The following XNDC1N variants were observed in gnomAD, a reference collection of about 807,000 sequenced individuals.
XNDC1N encodes protein XNDC1N.
chr11:71,917,870 T>A, the XNDC1N span: 1 of 640,994 alleles, frequency 1.6e-6, no homozygotes, highest in Non-Finnish European at 2.8e-6. Flanking sequence ...ACTTTACAGC[T>A]AGCTGAAAGC....
chr11:71,890,720 C>T, the XNDC1N span, among the ~76,000 whole-genome samples: 1 of 152,024 alleles, frequency 6.6e-6, no homozygotes, highest in Non-Finnish European at 1.5e-5. Context: ...ATCATCGTCT[C>T]CCCTCATGAT....
At chr11:71,872,932 T>C in the XNDC1N span, among the ~76,000 whole-genome samples, 2 of 152,202 alleles carry the variant, frequency 1.3e-5, no homozygotes, top group Non-Finnish European at 2.9e-5. Context: ...GATTCTATCA[T>C]GATATCAAAG....
At chr11:71,891,289 AC>A in the XNDC1N span, among the ~76,000 whole-genome samples, 680 of 150,412 alleles carry the variant, frequency 4.5e-3, 4 homozygotes, top group African/African-American at 0.016. Context: ...GGCTGTGGAA[AC>A]CCCCTGCGGT....
chr11:71,896,142 G>A, the XNDC1N span, among the ~76,000 whole-genome samples: 11 of 152,184 alleles, frequency 7.2e-5, no homozygotes, highest in Non-Finnish European at 1.3e-4. Flanking sequence ...AGTCGGGCGT[G>A]GTGACCTGTG....
At chr11:71,927,667 G>C in the XNDC1N span, 6 of 152,180 alleles carry the variant, frequency 3.9e-5, 1 homozygote, top group Admixed American at 2.6e-4. Context: ...GAGAGGATGA[G>C]AGGGTAATAG....
At chr11:71,867,994 G>C in the XNDC1N span, among the ~76,000 whole-genome samples, 1 of 152,190 alleles carries the variant, frequency 6.6e-6, no homozygotes, top group African/African-American at 2.4e-5. Flanking sequence ...ATATATTTAA[G>C]ATAGCTAAGT....
the XNDC1N span, chr11:71,893,554 TC>T: frequency 8.7e-6 from 8 of 914,990 alleles, no homozygotes; most frequent in Non-Finnish European, 1.5e-5. Context: ...CGCTTTGCTG[TC>T]CCTGTCCCTG....
chr11:71,892,385 C>A, the XNDC1N span, among the ~76,000 whole-genome samples: 1 of 151,886 alleles, frequency 6.6e-6, no homozygotes, highest in Non-Finnish European at 1.5e-5. Context: ...TCTGTAATAC[C>A]TTATGAATAA....
chr11:71,907,360 C>T, the XNDC1N span, among the ~76,000 whole-genome samples: 1 of 151,742 alleles, frequency 6.6e-6, no homozygotes, highest in East Asian at 2.0e-4. Context: ...GCGCCCCCCG[C>T]GATGCGGGGA....
chr11:71,901,356 T>C, the XNDC1N span, among the ~76,000 whole-genome samples: 1 of 152,098 alleles, frequency 6.6e-6, no homozygotes, highest in Admixed American at 6.5e-5. Flanking sequence ...CCCAGCCCTT[T>C]GGGAGGCTGA....
At chr11:71,904,493 A>G in the XNDC1N span, among the ~76,000 whole-genome samples, 1 of 152,152 alleles carries the variant, frequency 6.6e-6, no homozygotes, top group Non-Finnish European at 1.5e-5. Flanking sequence ...GGTATACACT[A>G]TGTGTGAACA....
chr11:71,890,463 C>T, the XNDC1N span, among the ~76,000 whole-genome samples: 2 of 151,986 alleles, frequency 1.3e-5, no homozygotes, highest in Non-Finnish European at 2.9e-5. Context: ...TAGTGTACAC[C>T]TTCTGGGATA....
chr11:71,911,353 G>A, the XNDC1N span, among the ~76,000 whole-genome samples: 4 of 152,194 alleles, frequency 2.6e-5, no homozygotes, highest in South Asian at 2.1e-4. Flanking sequence ...GAGCCCTGTC[G>A]AGCCTGATTG....
chr11:71,918,896 T>A, the XNDC1N span: 1 of 702,756 alleles, frequency 1.4e-6, no homozygotes, highest in East Asian at 2.7e-5. Context: ...CACATCAATG[T>A]AGCCAGTGGG....
At chr11:71,910,790 C>A in the XNDC1N span, among the ~76,000 whole-genome samples, 3 of 152,132 alleles carry the variant, frequency 2.0e-5, no homozygotes, top group Admixed American at 2.0e-4. Flanking sequence ...TTCTTAGGAG[C>A]TGTGGGGTTT....
chr11:71,910,908 G>A, the XNDC1N span, among the ~76,000 whole-genome samples: 1 of 152,234 alleles, frequency 6.6e-6, no homozygotes, highest in Admixed American at 6.5e-5. Flanking sequence ...ACAACAGCAA[G>A]GCTTTCATGA....
the XNDC1N span, among the ~76,000 whole-genome samples, chr11:71,896,472 A>C: frequency 6.6e-6 from 1 of 152,238 alleles, no homozygotes; most frequent in Non-Finnish European, 1.5e-5. Context: ...AATTGCTTGC[A>C]TATTTCCAGA....
the XNDC1N span, among the ~76,000 whole-genome samples, chr11:71,872,262 A>G: frequency 3.3e-5 from 5 of 152,132 alleles, no homozygotes; most frequent in African/African-American, 1.2e-4. Context: ...CTTTAGCCAA[A>G]AGCACCCAGT....
At chr11:71,886,392 T>C in the XNDC1N span, among the ~76,000 whole-genome samples, 6 of 149,564 alleles carry the variant, frequency 4.0e-5, no homozygotes, top group African/African-American at 1.5e-4. Flanking sequence ...CCCCCAAGAG[T>C]ATGGAAGGAC....
Sources: gnomAD v4.1 joint callset for allele counts (sites outside exome capture counted in the v4.1 genomes callset) on GRCh38, gnomAD v4.1.1 for gene constraint, MANE v1.5 for transcripts, NCBI Gene and HGNC (gene_info 2026-07-23, HGNC 2026-07-21) for gene names.